Variants in ESRRG observed in about 807,000 individuals in gnomAD.
The protein encoded by ESRRG is estrogen related receptor gamma, also known as estrogen-related receptor gamma.
Under a neutral mutation model 44.0 loss-of-function variants are expected in ESRRG, and 13 were observed. The ratio of observed to expected loss-of-function variants is 0.30; its 90% CI spans 0.19 to 0.47. The LOEUF is 0.47. Among genes scored for constraint, ESRRG ranks in the 20% least tolerant of loss-of-function variants. ESRRG has a pLI of 1.00. For synonymous variants in ESRRG, 215 were observed against 214.6 expected, an observed-to-expected ratio of 1.00 and a Z score of -0.02; for missense variants, 395 against 580.6, an observed-to-expected ratio of 0.68 and a Z score of 3.29.
chr1:216,698,049 C>T (rs914813552), intron 1 of ESRRG, among the ~76,000 whole-genome samples: 4 of 152,122 alleles, frequency 2.6e-5, no homozygotes, highest in African/African-American at 7.2e-5. Flanking sequence ...AAGATGTTGA[C>T]AGTTCATCTG....
At chr1:216,650,880 T>G (rs907070052) in intron 3 of ESRRG, 93 bp downstream of exon 3, 2 of 780,256 alleles carry the variant, frequency 2.6e-6, no homozygotes, top group Non-Finnish European at 4.6e-6. Context: ...TGTTACCTCA[T>G]CTTTTTCTGG....
intron 1 of ESRRG, among the ~76,000 whole-genome samples, chr1:216,973,279 C>G (rs2072096955): frequency 6.6e-6 from 1 of 152,148 alleles, no homozygotes. Flanking sequence ...CCCTGCAGTA[C>G]TCCTGTTTCT....
At chr1:216,912,157 AAAGAAAAGAAAAGAAAAGAAAAGAAAAG>A (rs1355015151) in intron 2 of ESRRG, among the ~76,000 whole-genome samples, 1,830 of 38,084 alleles carry the variant, frequency 0.048, 157 homozygotes, top group African/African-American at 0.15. Flanking sequence ...AAAGAAAAGA[AAAGAAAAGAAAAGAAAAGAAAAGAAAAG>A]GAGAGGAGAG....
chr1:216,892,122 A>G (rs925504949), intron 2 of ESRRG, among the ~76,000 whole-genome samples: 3 of 152,116 alleles, frequency 2.0e-5, no homozygotes, highest in Non-Finnish European at 4.4e-5. Flanking sequence ...ACTTTTAAGC[A>G]AGTAGATTCT....
At chr1:216,801,892 C>T (rs1446794347) in intron 2 of ESRRG, among the ~76,000 whole-genome samples, 1 of 152,078 alleles carries the variant, frequency 6.6e-6, no homozygotes, top group African/African-American at 2.4e-5. Context: ...CATCTGGTTC[C>T]TATTGCATAC....
intron 2 of ESRRG, among the ~76,000 whole-genome samples, chr1:216,761,963 T>C (rs1482333983): frequency 6.6e-6 from 1 of 152,168 alleles, no homozygotes; most frequent in African/African-American, 2.4e-5. Context: ...TACCTTGTAG[T>C]GGCTATTAAC....
intron 2 of ESRRG, among the ~76,000 whole-genome samples, chr1:216,913,647 T>C (rs1323889470): frequency 6.6e-6 from 1 of 152,264 alleles, no homozygotes; most frequent in Non-Finnish European, 1.5e-5. Flanking sequence ...TCCTCAAGCG[T>C]GCTGCATCTG....
rs71303007 is a variant in ESRRG, at chr1:217,053,133, T to TAAA, written c.-106+36371_-106+36373dup. On this transcript the variant is annotated intron_variant, in intron 1 of 7. Transcript: ENST00000359162. ...GAGGTAACATAGCAAAATCCCATCT[T>TAAA]AAAAAAAAAAAAAAAAAAAACAGAA... 9.0e-3 allele frequency among the ~76,000 whole-genome samples: 1,066 copies of TAAA among 118,960 alleles called. 11 individuals are homozygous for TAAA. Among genetic ancestry groups the TAAA allele is most frequent in the African/African-American group, 0.023 (672 of 29,636 alleles). 78.0% of individuals were successfully genotyped at this position (118,960 alleles called of 152,430 possible).
intron 3 of ESRRG, among the ~76,000 whole-genome samples, chr1:216,647,873 G>A (rs1043823511): frequency 7.9e-5 from 12 of 152,130 alleles, no homozygotes; most frequent in African/African-American, 2.7e-4. Flanking sequence ...AGTTCCCATC[G>A]AAGCTGTTGA....
chr1:217,117,401 C>G (rs2092744460), intron 1 of ESRRG, among the ~76,000 whole-genome samples: 1 of 151,938 alleles, frequency 6.6e-6, no homozygotes, highest in Non-Finnish European at 1.5e-5. Flanking sequence ...CTGGCCAACA[C>G]AGTAAGACCC....
chr1:217,092,819 G>A (rs757032968), upstream of ESRRG, among the ~76,000 whole-genome samples: 8 of 152,178 alleles, frequency 5.3e-5, no homozygotes, highest in Non-Finnish European at 1.2e-4. Flanking sequence ...ATTGCCTTAT[G>A]GAGACCTAGA....
intron 5 of ESRRG, among the ~76,000 whole-genome samples, chr1:216,538,506 C>T (rs764598016): frequency 6.6e-6 from 1 of 152,044 alleles, no homozygotes; most frequent in Non-Finnish European, 1.5e-5. Context: ...CGTGGTGAAA[C>T]CTTTCCACTG....
chr1:216,858,412 G>A (rs2095991271), intron 2 of ESRRG, among the ~76,000 whole-genome samples: 1 of 152,026 alleles, frequency 6.6e-6, no homozygotes, highest in Admixed American at 6.6e-5. Flanking sequence ...ACTACAGCCT[G>A]GGCGACAGAG....
chr1:217,001,764 T>A (rs2077062348), intron 1 of ESRRG, among the ~76,000 whole-genome samples: 1 of 152,238 alleles, frequency 6.6e-6, no homozygotes, highest in South Asian at 2.1e-4. Context: ...TAAGGCTTTC[T>A]TGGATACTAC....
At chr1:216,894,937 A>G (rs1260663212) in intron 2 of ESRRG, among the ~76,000 whole-genome samples, 2 of 152,260 alleles carry the variant, frequency 1.3e-5, no homozygotes, top group Non-Finnish European at 2.9e-5. Context: ...ACTTGCTAAA[A>G]TATATTTCTT....
At chr1:216,903,641 A>C (rs577467108) in intron 2 of ESRRG, among the ~76,000 whole-genome samples, 1 of 152,066 alleles carries the variant, frequency 6.6e-6, no homozygotes, top group Non-Finnish European at 1.5e-5. Flanking sequence ...GATAGACTGA[A>C]TCTCATTTGG....
chr1:217,018,482 G>T (rs528569810), intron 1 of ESRRG, among the ~76,000 whole-genome samples: 2 of 151,788 alleles, frequency 1.3e-5, no homozygotes, highest in South Asian at 4.2e-4. Flanking sequence ...TTTTAATATC[G>T]TGCACAAAGC....
At chr1:216,835,471 C>A (rs922328861) in intron 2 of ESRRG, among the ~76,000 whole-genome samples, 1 of 152,216 alleles carries the variant, frequency 6.6e-6, no homozygotes, top group African/African-American at 2.4e-5. Context: ...TATTGGCCAG[C>A]CTGTTACAGG....
intron 3 of ESRRG, among the ~76,000 whole-genome samples, chr1:216,607,369 G>A (rs900229065): frequency 2.6e-5 from 4 of 151,928 alleles, no homozygotes; most frequent in African/African-American, 7.2e-5. Context: ...AGAACACTGC[G>A]GCATCAGCCT....
Sources: gnomAD v4.1 joint callset for allele counts (sites outside exome capture counted in the v4.1 genomes callset) on GRCh38, gnomAD v4.1.1 for gene constraint, MANE v1.5 for transcripts, NCBI Gene and HGNC (gene_info 2026-07-23, HGNC 2026-07-21) for gene names.